The following SKAP1 variants were observed in gnomAD, a reference collection of about 807,000 sequenced individuals.
SKAP1 encodes src kinase associated phosphoprotein 1, also known as src kinase-associated phosphoprotein 1.
In SKAP1, 44 loss-of-function variants were observed where a neutral mutation model predicts 58.5. That is an observed-to-expected ratio of 0.75 (90% CI 0.59 to 0.97). The LOEUF is 0.97. SKAP1 is among the 50% of genes least tolerant of loss of function. The pLI is 0.00. For missense variants in SKAP1, 390 were observed against 435.2 expected (o/e 0.90, Z 0.92); for synonymous variants, 127 against 149.7 (o/e 0.85, Z 1.11).
intron 4 of SKAP1, among the ~76,000 whole-genome samples, chr17:48,292,146 AG>A (rs1418906126): frequency 3.7e-4 from 51 of 138,094 alleles, no homozygotes; most frequent in South Asian, 6.6e-4. Context: ...AAAAAAAAAA[AG>A]AAAGAAAGAA....
intron 5 of SKAP1, among the ~76,000 whole-genome samples, chr17:48,188,612 A>AGGATTGGAGGATT: frequency 6.6e-6 from 1 of 152,258 alleles, no homozygotes; most frequent in Admixed American, 6.5e-5. Flanking sequence ...GCTTGAGCCC[A>AGGATTGGAGGATT]GGATTGGAGG....
chr17:48,375,919 G>A (rs1371693713), intron 2 of SKAP1, among the ~76,000 whole-genome samples: 2 of 152,186 alleles, frequency 1.3e-5, no homozygotes, highest in Non-Finnish European at 2.9e-5. Context: ...GAGAGCAAGA[G>A]AAAAGACAAG....
At chr17:48,143,046 G>A (rs998774050) in intron 11 of SKAP1, among the ~76,000 whole-genome samples, 6 of 150,576 alleles carry the variant, frequency 4.0e-5, no homozygotes, top group African/African-American at 1.2e-4. Context: ...TGAACTCCTG[G>A]GTTCAAGCAA....
At chr17:48,438,031 C>A in the SKAP1 span, among the ~76,000 whole-genome samples, 1 of 152,084 alleles carries the variant, frequency 6.6e-6, no homozygotes, top group African/African-American at 2.4e-5. Context: ...CCCATGCCAC[C>A]CCTCATATAA....
chr17:48,334,993 C>G (rs60597994), intron 4 of SKAP1, among the ~76,000 whole-genome samples: 3,794 of 151,778 alleles, frequency 0.025, 174 homozygotes, highest in African/African-American at 0.087. Flanking sequence ...TATGAGTTTC[C>G]TAATTAATAT....
intron 5 of SKAP1, 104 bp downstream of exon 5, chr17:48,189,319 G>T: frequency 2.2e-6 from 2 of 914,198 alleles, no homozygotes; most frequent in African/African-American, 1.7e-5. Context: ...TATCCGCCTA[G>T]CACAGTACCG....
chr17:48,175,383 A>G (rs935473291), intron 9 of SKAP1, among the ~76,000 whole-genome samples: 3 of 152,238 alleles, frequency 2.0e-5, no homozygotes, highest in Non-Finnish European at 4.4e-5. Context: ...GGACATGCAG[A>G]AAAGTAGAAA....
intron 4 of SKAP1, among the ~76,000 whole-genome samples, chr17:48,288,683 C>CA (rs570711626): frequency 1.8e-4 from 27 of 151,606 alleles, no homozygotes; most frequent in Middle Eastern, 3.4e-3. Context: ...GAGACCATCT[C>CA]AAAAAAAACC....
chr17:48,209,623 C>T (rs1274034162), intron 4 of SKAP1, among the ~76,000 whole-genome samples: 4 of 152,200 alleles, frequency 2.6e-5, no homozygotes, highest in African/African-American at 9.7e-5. Context: ...GCTCTCTTAA[C>T]ATGAGCTCTC....
At chr17:48,187,543 T>C (rs747550286) in intron 6 of SKAP1, among the ~76,000 whole-genome samples, 4 of 151,686 alleles carry the variant, frequency 2.6e-5, no homozygotes, top group Non-Finnish European at 4.4e-5. Context: ...TGAAGTTCTT[T>C]TTATTTTTTT....
At chr17:48,178,861 C>G (rs1223786356) in intron 9 of SKAP1, among the ~76,000 whole-genome samples, 1 of 152,066 alleles carries the variant, frequency 6.6e-6, no homozygotes, top group Non-Finnish European at 1.5e-5. Flanking sequence ...GAAGTCGGGA[C>G]TGGTAGAGGC....
intron 2 of SKAP1, among the ~76,000 whole-genome samples, chr17:48,374,725 T>A (rs1166831440): frequency 1.3e-5 from 2 of 152,250 alleles, no homozygotes; most frequent in Non-Finnish European, 2.9e-5. Context: ...TTCACATTGC[T>A]TCCAAATTAT....
In SKAP1 at chr17:48,187,885, C is replaced by T; in HGVS notation, c.400G>A (p.Val134Ile). The T allele has an allele frequency of 6.2e-7, 1 of 1,614,014 alleles. No homozygotes were observed. The highest frequency in any genetic ancestry group is 8.5e-7 in the Non-Finnish European group (1 of 1,179,888). The change falls in exon 6 of 13, where the codon GTT becomes ATT. Residue 134 changes from valine to isoleucine, a missense_variant. Transcript: ENST00000336915. ...TAGTAGAAGAGACCTCTGCTGACAA[C>T]ACACCATCGCTTCTGCCACTCCGAT... ...FGSEWQKRWC[V>I]VSRGLFYYYA...
At chr17:48,168,879 C>T (rs754188676) in intron 10 of SKAP1, among the ~76,000 whole-genome samples, 34 of 152,088 alleles carry the variant, frequency 2.2e-4, no homozygotes, top group Admixed American at 7.9e-4. Context: ...ATTTCTATAG[C>T]GCCTTTGGAG....
At chr17:48,153,255 A>G (rs1360529540) in intron 11 of SKAP1, among the ~76,000 whole-genome samples, 1 of 152,218 alleles carries the variant, frequency 6.6e-6, no homozygotes, top group Non-Finnish European at 1.5e-5. Context: ...GTTTACATGC[A>G]TGCATATGCA....
intron 4 of SKAP1, among the ~76,000 whole-genome samples, chr17:48,311,415 T>G (rs2066223119): frequency 2.7e-5 from 4 of 149,842 alleles, no homozygotes; most frequent in Admixed American, 2.0e-4. Context: ...TGACTCTATT[T>G]TTTGTATAAA....
intron 3 of SKAP1, 87 bp downstream of exon 3, chr17:48,363,701 TG>T: frequency 8.6e-7 from 1 of 1,168,414 alleles, no homozygotes; most frequent in Non-Finnish European, 1.2e-6. Context: ...TGCCACTCTG[TG>T]GAGAAGCTTG....
At chr17:48,184,412 C>T (rs1476465097) in intron 7 of SKAP1, among the ~76,000 whole-genome samples, 1 of 152,006 alleles carries the variant, frequency 6.6e-6, no homozygotes, top group Non-Finnish European at 1.5e-5. Context: ...ACCATAAAAT[C>T]GGAGACTATA....
chr17:48,426,231 AAAAT>A (rs2067852480), intron 1 of SKAP1, among the ~76,000 whole-genome samples: 1 of 152,256 alleles, frequency 6.6e-6, no homozygotes, highest in Non-Finnish European at 1.5e-5. Context: ...AGGAAGTTTA[AAAAT>A]AAATAACTAT....
Sources: allele counts gnomAD v4.1 joint callset (sites outside exome capture counted in the v4.1 genomes callset), GRCh38; gene constraint gnomAD v4.1.1; transcripts MANE v1.5; gene names NCBI Gene and HGNC (gene_info 2026-07-23, HGNC 2026-07-21).